Variants in ADAMTSL1 observed in about 807,000 individuals in gnomAD.
The protein encoded by ADAMTSL1 is ADAMTS-like protein 1.
Under a neutral mutation model 201.8 loss-of-function variants are expected in ADAMTSL1, and 126 were observed. That is an observed-to-expected ratio of 0.62 (90% CI 0.54 to 0.72). The LOEUF (loss-of-function observed/expected upper bound fraction) is 0.72, where lower values mean the gene tolerates loss of function less well. ADAMTSL1 is among the 30% of genes least tolerant of loss of function. The pLI, the probability that ADAMTSL1 is intolerant of heterozygous loss-of-function variation, is 0.00. For missense variants in ADAMTSL1, 2,679 were observed against 2,277.8 expected, an observed-to-expected ratio of 1.18 and a Z score of -3.59; for synonymous variants, 1,121 against 903.4, an observed-to-expected ratio of 1.24 and a Z score of -4.32.
rs72701537 is a variant in ADAMTSL1 at position 18,187,262 on chromosome 9, G to A, written c.207+23281G>A. Among the ~76,000 whole-genome samples, 1,155 of 152,248 alleles carry A rather than the reference G, an allele frequency of 7.6e-3. 8 individuals are homozygous for A. Among genetic ancestry groups the A allele is most frequent in the Middle Eastern group, 0.02 (6 of 294 alleles). On this transcript the variant is annotated intron_variant, in intron 2 of 29. Coordinates refer to the ADAMTSL1 transcript ENST00000680146. ...TCCATGGAGTACAGTCCTTATAGAT[G>A]ATGGTGAAAACACAATGTTTATCAT... is the stretch of plus-strand genomic sequence containing the variant.
intron 1 of ADAMTSL1, among the ~76,000 whole-genome samples, chr9:18,124,915 A>G (rs542470072): frequency 2.6e-5 from 4 of 152,198 alleles, no homozygotes; most frequent in Non-Finnish European, 5.9e-5. Flanking sequence ...AGGGTAAGAT[A>G]GGAAATAGAA....
intron 23 of ADAMTSL1, among the ~76,000 whole-genome samples, chr9:18,876,237 A>G (rs552312421): frequency 7.2e-4 from 109 of 151,012 alleles, no homozygotes; most frequent in African/African-American, 2.6e-3. Context: ...AGCCATTTGT[A>G]TTCAACATTA....
intron 1 of ADAMTSL1, among the ~76,000 whole-genome samples, chr9:18,030,675 T>C (rs1293045977): frequency 6.6e-6 from 1 of 152,128 alleles, no homozygotes; most frequent in Non-Finnish European, 1.5e-5. Flanking sequence ...ATTTCTTGAA[T>C]TTGCATGAAA....
At chr9:17,926,236 TAAAGAG>T (rs1826521184) in intron 1 of ADAMTSL1, among the ~76,000 whole-genome samples, 1 of 152,204 alleles carries the variant, frequency 6.6e-6, no homozygotes, top group Non-Finnish European at 1.5e-5. Context: ...TGTTTATTAT[TAAAGAG>T]TGCTTATTTA....
intron 2 of ADAMTSL1, among the ~76,000 whole-genome samples, chr9:18,281,321 A>T (rs1832778932): frequency 2.0e-5 from 3 of 152,156 alleles, no homozygotes; most frequent in Non-Finnish European, 4.4e-5. Flanking sequence ...AGGATTCACC[A>T]CCAGACTGGG....
intron 1 of ADAMTSL1, among the ~76,000 whole-genome samples, chr9:18,085,482 CATAT>C (rs371256393): frequency 4.4e-5 from 2 of 45,252 alleles, no homozygotes; most frequent in South Asian, 6.6e-4. Flanking sequence ...TATGTGTGTG[CATAT>C]ATATATATAT....
chr9:18,237,364 C>T (rs772448801), intron 2 of ADAMTSL1, among the ~76,000 whole-genome samples: 8 of 152,322 alleles, frequency 5.3e-5, no homozygotes, highest in Non-Finnish European at 8.8e-5. Flanking sequence ...AATCAATTCA[C>T]TCTGTGTTGG....
intron 2 of ADAMTSL1, among the ~76,000 whole-genome samples, chr9:18,204,375 T>G (rs1829564948): frequency 6.6e-6 from 1 of 152,072 alleles, no homozygotes; most frequent in African/African-American, 2.4e-5. Flanking sequence ...GTGAAGAAGG[T>G]GCCTTACTTC....
chr9:18,273,422 T>C (rs1404463102), intron 2 of ADAMTSL1, among the ~76,000 whole-genome samples: 1 of 152,168 alleles, frequency 6.6e-6, no homozygotes, highest in Non-Finnish European at 1.5e-5. Context: ...ACACTTTTAG[T>C]TGTGTTATTG....
intron 15 of ADAMTSL1, among the ~76,000 whole-genome samples, chr9:18,727,310 C>T (rs913888647): frequency 1.1e-4 from 17 of 152,196 alleles, no homozygotes; most frequent in Non-Finnish European, 2.2e-4. Context: ...AATTTCCATA[C>T]GCTGCCTTTT....
At chr9:18,004,022 A>G (rs1447981695) in intron 1 of ADAMTSL1, among the ~76,000 whole-genome samples, 1 of 152,066 alleles carries the variant, frequency 6.6e-6, no homozygotes, top group Non-Finnish European at 1.5e-5. Flanking sequence ...TTGGGCACCT[A>G]AAAAGAAAAT....
In ADAMTSL1 at chr9:18,905,256, T is replaced by C. The variant is rs77646549; in HGVS notation, c.4852-526T>C. ...AAGTTTAACAATCTCCATGAGCACA[T>C]AGCAAGAGAATATGAGGGAGGACTC... On this transcript the variant is annotated intron_variant, in intron 26 of 28. Transcript: ENST00000380548. 3.3e-3 allele frequency among the ~76,000 whole-genome samples: 504 copies of C among 152,286 alleles called. 2 individuals are homozygous for C. Among genetic ancestry groups the C allele is most frequent in the African/African-American group, 0.011 (475 of 41,558 alleles).
chr9:18,794,593 C>A lies in ADAMTSL1; in HGVS notation c.3678-804C>A, dbSNP rs536756227. 8.6e-5 allele frequency among the ~76,000 whole-genome samples: 13 copies of A among 151,952 alleles called. 1 individual carries two copies. Among genetic ancestry groups the A allele is most frequent in the African/African-American group, 3.1e-4 (13 of 41,410 alleles). On this transcript the variant is annotated intron_variant, in intron 19 of 28. Coordinates refer to ENST00000380548, the MANE Select transcript of ADAMTSL1 (RefSeq NM_001040272.6). ...TGGCTTTTTCTCTTCTACCTGCAAA[C>A]CTGAACAGATGTCTGTCTGGTTGTT...
At chr9:18,342,004 G>A (rs1835484015) in intron 2 of ADAMTSL1, among the ~76,000 whole-genome samples, 1 of 152,134 alleles carries the variant, frequency 6.6e-6, no homozygotes, top group Non-Finnish European at 1.5e-5. Context: ...GCCGTATTCT[G>A]TCTGTACTGA....
At chr9:18,078,883 C>T (rs1021623056) in intron 1 of ADAMTSL1, among the ~76,000 whole-genome samples, 7 of 152,326 alleles carry the variant, frequency 4.6e-5, no homozygotes, top group African/African-American at 1.7e-4. Context: ...CATCAAGAAA[C>T]AATCATGATG....
rs141784606 is a variant in ADAMTSL1 at position 18,639,354 on chromosome 9, T to G, written c.777T>G (p.Phe259Leu). 5.0e-6 allele frequency: 8 copies of G among 1,612,950 alleles called. No individual in the cohort carries two copies. In the East Asian group the frequency reaches 6.7e-5, roughly 13 times the overall value. Residue 259 changes from phenylalanine (F) to leucine (L), a missense_variant, in exon 7 of 29, where the codon TTT becomes TTG. Physicochemically the swap from Phe to Leu is conservative, Grantham distance 22. Transcript: ENST00000380548. The part of the protein sequence containing the change: ...VDNSSVDFQK[F>L]PDKEILRMAG... ...ATTCTAGTGTGGACTTCCAGAAATT[T>G]CCAGACAAAGAGATACTGAGAATGG...
intron 9 of ADAMTSL1, among the ~76,000 whole-genome samples, chr9:18,667,119 T>A (rs1018132692): frequency 6.6e-6 from 1 of 151,944 alleles, no homozygotes; most frequent in Non-Finnish European, 1.5e-5. Context: ...TGCATCCAGA[T>A]TCCCCCTTCC....
At chr9:18,503,708 C>G (rs149571263) in intron 1 of ADAMTSL1, among the ~76,000 whole-genome samples, 2 of 152,188 alleles carry the variant, frequency 1.3e-5, no homozygotes, top group Non-Finnish European at 2.9e-5. Flanking sequence ...AATCACTGTG[C>G]TATCTCATCT....
chr9:17,970,448 G>T (rs1490624525), intron 1 of ADAMTSL1, among the ~76,000 whole-genome samples: 2 of 151,994 alleles, frequency 1.3e-5, no homozygotes, highest in South Asian at 2.1e-4. Flanking sequence ...GCACTTGGGT[G>T]TGGAGTACAG....
Sources: allele counts gnomAD v4.1 joint callset (sites outside exome capture counted in the v4.1 genomes callset), GRCh38; gene constraint gnomAD v4.1.1; transcripts MANE v1.5; gene names NCBI Gene and HGNC (gene_info 2026-07-23, HGNC 2026-07-21).